Variants in FCHSD2 observed in about 807,000 individuals in gnomAD.
FCHSD2 encodes the protein F-BAR and double SH3 domains protein 2.
Under a neutral mutation model 108.1 loss-of-function variants are expected in FCHSD2, and 38 were observed. The ratio of observed to expected loss-of-function variants is 0.35; its 90% CI spans 0.27 to 0.46. The LOEUF is 0.46. FCHSD2 is among the 20% of genes least tolerant of loss of function. The pLI is 1.00. For synonymous variants in FCHSD2, 279 were observed against 314.7 expected, an observed-to-expected ratio of 0.89 and a Z score of 1.20; for missense variants, 751 against 897.8, an observed-to-expected ratio of 0.84 and a Z score of 2.09.
chr11:72,883,221 T>C (rs1479882141), intron 12 of FCHSD2, among the ~76,000 whole-genome samples: 1 of 152,212 alleles, frequency 6.6e-6, no homozygotes, highest in Non-Finnish European at 1.5e-5. Context: ...GCTTGAACTA[T>C]AACACTTCTA....
At chr11:72,924,056 T>C in intron 8 of FCHSD2, among the ~76,000 whole-genome samples, 1 of 152,180 alleles carries the variant, frequency 6.6e-6, no homozygotes, top group Non-Finnish European at 1.5e-5. Flanking sequence ...TTCTCCCATT[T>C]TGTGGGCTGT....
chr11:73,092,879 C>T (rs1473189965), intron 2 of FCHSD2, among the ~76,000 whole-genome samples: 2 of 152,158 alleles, frequency 1.3e-5, no homozygotes, highest in African/African-American at 4.8e-5. Flanking sequence ...GAGGTAATCT[C>T]TAAGCCCTTG....
At chr11:73,015,424 A>G (rs1857949342) in intron 4 of FCHSD2, among the ~76,000 whole-genome samples, 1 of 152,200 alleles carries the variant, frequency 6.6e-6, no homozygotes, top group African/African-American at 2.4e-5. Flanking sequence ...ATTTATTTCA[A>G]AAGTATCAGT....
chr11:72,896,852 A>C (rs1209666738), intron 10 of FCHSD2, among the ~76,000 whole-genome samples: 1 of 149,058 alleles, frequency 6.7e-6, no homozygotes, highest in Non-Finnish European at 1.5e-5. Context: ...TTTGAGACAG[A>C]GTCTCACCCT....
intron 8 of FCHSD2, among the ~76,000 whole-genome samples, chr11:72,962,335 G>A (rs970041408): frequency 6.6e-6 from 1 of 152,172 alleles, no homozygotes; most frequent in Non-Finnish European, 1.5e-5. Context: ...GCATTCTTGT[G>A]TCTCTAAATT....
At chr11:73,051,452 G>T (rs1858896438) in intron 3 of FCHSD2, among the ~76,000 whole-genome samples, 1 of 151,918 alleles carries the variant, frequency 6.6e-6, no homozygotes, top group Non-Finnish European at 1.5e-5. Context: ...AAGTAAATAG[G>T]TATTTTTACA....
At chr11:72,939,212 T>C (rs1856364346) in intron 8 of FCHSD2, among the ~76,000 whole-genome samples, 1 of 152,012 alleles carries the variant, frequency 6.6e-6, no homozygotes, top group Non-Finnish European at 1.5e-5. Flanking sequence ...ATCACAGAAA[T>C]AACATTAGCA....
chr11:73,035,802 C>T (rs1033711982), intron 3 of FCHSD2, among the ~76,000 whole-genome samples: 2 of 151,810 alleles, frequency 1.3e-5, no homozygotes, highest in African/African-American at 2.4e-5. Flanking sequence ...CTCACTGCAA[C>T]CTCTGCCTCC....
intron 3 of FCHSD2, among the ~76,000 whole-genome samples, chr11:73,027,164 G>A (rs965325912): frequency 2.0e-5 from 3 of 152,102 alleles, no homozygotes; most frequent in Non-Finnish European, 2.9e-5. Flanking sequence ...GGAGGATGTC[G>A]GAAAGTTTGG....
chr11:72,995,229 G>T (rs138638149), intron 5 of FCHSD2, among the ~76,000 whole-genome samples: 1 of 152,044 alleles, frequency 6.6e-6, no homozygotes, highest in Non-Finnish European at 1.5e-5. Flanking sequence ...CTTGCAGAAC[G>T]AAAAGCTGTT....
At chr11:73,098,218 T>C (rs972640224) in intron 2 of FCHSD2, among the ~76,000 whole-genome samples, 4 of 152,216 alleles carry the variant, frequency 2.6e-5, no homozygotes, top group African/African-American at 9.7e-5. Flanking sequence ...CCCTGAATAC[T>C]AGTTTCACAG....
chr11:73,049,756 T>A (rs1858854594), intron 3 of FCHSD2, among the ~76,000 whole-genome samples: 1 of 151,530 alleles, frequency 6.6e-6, no homozygotes. Context: ...TTATACTATG[T>A]AAGGCATATT....
chr11:72,845,270 A>G (rs74413406), intron 14 of FCHSD2, among the ~76,000 whole-genome samples: 1,708 of 151,800 alleles, frequency 0.011, 26 homozygotes, highest in African/African-American at 0.039. Flanking sequence ...AAAATACAAA[A>G]AATTGGTGGG....
intron 3 of FCHSD2, among the ~76,000 whole-genome samples, chr11:73,038,046 T>TA (rs1470756774): frequency 1.3e-5 from 2 of 152,226 alleles, no homozygotes; most frequent in Non-Finnish European, 2.9e-5. Flanking sequence ...TGCTAGATGC[T>TA]AAAATAGTTT....
intron 4 of FCHSD2, among the ~76,000 whole-genome samples, chr11:73,014,251 C>A (rs751529288): frequency 6.6e-6 from 1 of 150,450 alleles, no homozygotes; most frequent in Non-Finnish European, 1.5e-5. Context: ...CCTGCCTTAG[C>A]CTCCTGAGTA....
intron 3 of FCHSD2, among the ~76,000 whole-genome samples, chr11:73,069,887 A>G (rs12421979): frequency 6.6e-6 from 1 of 152,180 alleles, no homozygotes; most frequent in African/African-American, 2.4e-5. Context: ...AATCTAAATC[A>G]CTTATCAGAT....
intron 3 of FCHSD2, among the ~76,000 whole-genome samples, chr11:73,076,275 A>G (rs1285062208): frequency 6.6e-6 from 1 of 152,216 alleles, no homozygotes; most frequent in East Asian, 1.9e-4. Flanking sequence ...GAAACATGGG[A>G]AAATGGGAAG....
intron 2 of FCHSD2, among the ~76,000 whole-genome samples, chr11:73,103,477 G>A (rs375211663): frequency 2.4e-4 from 37 of 152,132 alleles, no homozygotes; most frequent in African/African-American, 7.5e-4. Context: ...TCCCTAGGGT[G>A]AACCAAATAT....
At chr11:73,115,361 T>A (rs1860579447) in intron 2 of FCHSD2, among the ~76,000 whole-genome samples, 1 of 152,188 alleles carries the variant, frequency 6.6e-6, no homozygotes, top group Non-Finnish European at 1.5e-5. Flanking sequence ...TCTTTTGTAT[T>A]TTTAGCAGAG....
Sources: gnomAD v4.1 joint callset for allele counts (sites outside exome capture counted in the v4.1 genomes callset) on GRCh38, gnomAD v4.1.1 for gene constraint, MANE v1.5 for transcripts, NCBI Gene and HGNC (gene_info 2026-07-23, HGNC 2026-07-21) for gene names.